ARHGEF26: variants seen among roughly 807,000 people sequenced by gnomAD.
The protein encoded by ARHGEF26 is Rho guanine nucleotide exchange factor 26.
A neutral mutation model predicts 89.4 loss-of-function variants in ARHGEF26; 59 were observed. That is an observed-to-expected ratio of 0.66 (90% CI 0.54 to 0.82). The LOEUF (loss-of-function observed/expected upper bound fraction) is 0.82, where lower values mean the gene tolerates loss of function less well. ARHGEF26 is among the 40% of genes least tolerant of loss of function. The pLI is 0.00. For synonymous variants in ARHGEF26, 500 were observed against 428.4 expected, an observed-to-expected ratio of 1.17 and a Z score of -2.06; for missense variants, 1,234 against 1,085.6, an observed-to-expected ratio of 1.14 and a Z score of -1.92.
At chr3:154,240,345 G>A (rs528699185) in intron 11 of ARHGEF26, 25 bp from the exon 12 acceptor site, 190 of 1,544,158 alleles carry the variant, frequency 1.2e-4, no homozygotes, top group Admixed American at 2.3e-4. Flanking sequence ...AATAATTGAC[G>A]TGTTCTTTTC....
At chr3:154,160,909 C>A (rs940373141) in intron 6 of ARHGEF26, among the ~76,000 whole-genome samples, 1 of 152,058 alleles carries the variant, frequency 6.6e-6, no homozygotes, top group Non-Finnish European at 1.5e-5. Context: ...ATCCTAGATC[C>A]CCTCTTTGGC....
chr3:154,201,789 G>C (rs1012881539), intron 9 of ARHGEF26, among the ~76,000 whole-genome samples: 2 of 152,200 alleles, frequency 1.3e-5, no homozygotes, highest in African/African-American at 4.8e-5. Flanking sequence ...TCTTTTGGCT[G>C]CATTAATGTC....
At chr3:154,163,758 G>C (rs145307437) in intron 6 of ARHGEF26, among the ~76,000 whole-genome samples, 1 of 152,144 alleles carries the variant, frequency 6.6e-6, no homozygotes, top group Non-Finnish European at 1.5e-5. Flanking sequence ...CATTGTTCCC[G>C]AAGTGAAGAA....
At chr3:154,172,899 TA>T (rs1229105706) in intron 6 of ARHGEF26, among the ~76,000 whole-genome samples, 1 of 152,220 alleles carries the variant, frequency 6.6e-6, no homozygotes, top group Non-Finnish European at 1.5e-5. Context: ...GTCCCCATTT[TA>T]TAACTCTAAG....
chr3:154,154,040 G>A (rs181112432), intron 6 of ARHGEF26, among the ~76,000 whole-genome samples: 7 of 152,190 alleles, frequency 4.6e-5, no homozygotes, highest in Admixed American at 1.3e-4. Context: ...TTGTAAAACA[G>A]TGTTACTCTA....
rs115310213 is a variant in ARHGEF26 at position 154,122,478 on chromosome 3, T to C, written c.486T>C (p.Leu162=). ...CCCCCTGCACCCCCGAGGAGGACCT[T>C]ACTGGGTTGACTGCCAGCCCGGTGC... The part of the protein sequence containing the change: ...APAPCTPEED[L]TGLTASPVPS... The change falls in exon 2 of 15, where the codon CTT becomes CTC. Residue 162 remains leucine (L), a synonymous_variant. Coordinates refer to ENST00000465093, the MANE Select transcript of ARHGEF26 (RefSeq NM_015595.4). 4,364 of 1,612,696 alleles carry C rather than the reference T, an allele frequency of 2.7e-3. 95 individuals are homozygous for C. In the African/African-American group the frequency reaches 0.05, roughly 18 times the overall value.
At chr3:154,130,047 G>A (rs758218732) in intron 4 of ARHGEF26, among the ~76,000 whole-genome samples, 33 of 151,682 alleles carry the variant, frequency 2.2e-4, no homozygotes, top group Non-Finnish European at 4.0e-4. Context: ...ATATATATGC[G>A]TGTGTGTTTA....
intron 9 of ARHGEF26, among the ~76,000 whole-genome samples, chr3:154,216,314 T>C (rs1715721202): frequency 6.6e-6 from 1 of 151,878 alleles, no homozygotes; most frequent in Non-Finnish European, 1.5e-5. Context: ...GAATTAAGAT[T>C]AGGTACTCAT....
chr3:154,180,747 C>T (rs1482781627), intron 6 of ARHGEF26, among the ~76,000 whole-genome samples: 2 of 150,830 alleles, frequency 1.3e-5, no homozygotes, highest in African/African-American at 4.9e-5. Flanking sequence ...GATAAAATTT[C>T]AGAAGAAAAG....
chr3:154,183,027 T>C (rs1454243723), intron 6 of ARHGEF26, among the ~76,000 whole-genome samples: 2 of 152,214 alleles, frequency 1.3e-5, no homozygotes, highest in Non-Finnish European at 2.9e-5. Context: ...TTTTCAAACA[T>C]GGGTTTTAGC....
rs1316700375 is a variant in ARHGEF26 at position 154,122,614 on chromosome 3, A to C, written c.622A>C (p.Lys208Gln). The C allele has an allele frequency of 1.2e-6, 2 of 1,613,820 alleles. No individual in the cohort carries two copies. Among genetic ancestry groups the C allele is most frequent in the Non-Finnish European group, 1.7e-6 (2 of 1,179,904 alleles). ...PERGLFPGPQ[K>Q]SSSEQKLPLQ... The stretch of plus-strand genomic sequence containing the variant: ...ACGGGGGCTCTTTCCTGGGCCCCAG[A>C]AAAGTTCTTCGGAACAAAAACTCCC... The change falls in exon 2 of 15, where the codon AAA (lysine) becomes CAA (glutamine). Residue 208 changes from lysine to glutamine, a missense_variant. Transcript: ENST00000465093.
chr3:154,149,470 T>TTAGAGCTCTGGAGTGTGCATG, intron 5 of ARHGEF26, 25 bp downstream of exon 5: 1 of 1,596,292 alleles, frequency 6.3e-7, no homozygotes, highest in East Asian at 2.2e-5. Context: ...AGCAGCTGCT[T>TTAGAGCTCTGGAGTGTGCATG]TAGAGCTCTG....
intron 3 of ARHGEF26, among the ~76,000 whole-genome samples, chr3:154,127,271 A>G (rs1427923850): frequency 2.0e-5 from 3 of 152,156 alleles, no homozygotes; most frequent in Admixed American, 6.5e-5. Flanking sequence ...AATCTTTTCA[A>G]CTCTGGTTTT....
At chr3:154,225,293 C>T (rs921575633) in intron 10 of ARHGEF26, among the ~76,000 whole-genome samples, 6 of 152,082 alleles carry the variant, frequency 3.9e-5, no homozygotes, top group African/African-American at 1.4e-4. Flanking sequence ...CTACCATGAT[C>T]TTAAGAACAG....
In ARHGEF26 at chr3:154,146,150, A is replaced by C. The variant is rs544333553; in HGVS notation, c.1270-3239A>C. On this transcript the variant is annotated intron_variant, in intron 4 of 14. Transcript: ENST00000465093. ...AGGCGGGAAAGTCCAAAATCAAGGC[A>C]GATTTGGTGTTTGGCAAGGGGCTGC... Among the ~76,000 whole-genome samples, 4 of 152,354 alleles carry C rather than the reference A, an allele frequency of 2.6e-5. No individual in the cohort carries two copies. The South Asian group carries it at 8.3e-4, about 32-fold the overall frequency.
intron 4 of ARHGEF26, among the ~76,000 whole-genome samples, chr3:154,148,711 C>G (rs760812183): frequency 6.6e-6 from 1 of 152,164 alleles, no homozygotes; most frequent in Non-Finnish European, 1.5e-5. Context: ...CTGTGAAATT[C>G]CTGCTCAGGG....
At position 154,152,908 on chromosome 3, in the gene ARHGEF26, C is replaced by A; in HGVS notation, c.1463C>A (p.Thr488Lys). The change falls in exon 6 of 15, where the codon ACA becomes AAA. Residue 488 changes from threonine to lysine, a missense_variant. Thr to Lys is a moderately conservative substitution (Grantham distance 78). Coordinates refer to ENST00000465093, the MANE Select transcript of ARHGEF26 (RefSeq NM_015595.4). ...AGGCACCATCTTTTCTCCAATATTACAGATGTCTGTGAGGCAAGCAAAAAG... is the reference window on the plus strand; with the variant it reads ...AGGCACCATCTTTTCTCCAATATTAAAGATGTCTGTGAGGCAAGCAAAAAG... ...TERHHLFSNI[T>K]DVCEASKKFF... The A allele has an allele frequency of 6.3e-7, 1 of 1,595,570 alleles. No individual in the cohort carries two copies.
intron 4 of ARHGEF26, among the ~76,000 whole-genome samples, chr3:154,135,682 T>C (rs1718960228): frequency 6.6e-6 from 1 of 151,988 alleles, no homozygotes; most frequent in Non-Finnish European, 1.5e-5. Context: ...TGAAGGAAAA[T>C]ATTGATTGTA....
rs1717899944 is a variant in ARHGEF26, at chr3:154,121,446, G to T, written c.-125G>T. The T allele has an allele frequency of 6.6e-6, 1 of 152,386 alleles. No individual in the cohort carries two copies. The highest frequency in any genetic ancestry group is 1.9e-4 in the East Asian group (1 of 5,148). 9.4% of individuals were successfully genotyped at this position (152,386 alleles called of 1,614,324 possible). A position where few individuals can be genotyped will look rare whatever the true frequency, so the allele number is the denominator to read the frequency against. The stretch of plus-strand genomic sequence containing the variant: ...CGCTCTCCTAAGCTCTCGCGGCTGC[G>T]CTTCGGTCCCGGACCCGGGCCACCC... On this transcript the variant is annotated 5_prime_UTR_variant, in exon 1 of 15. Transcript: ENST00000465093.
Sources: gnomAD v4.1 joint callset for allele counts (sites outside exome capture counted in the v4.1 genomes callset) on GRCh38, gnomAD v4.1.1 for gene constraint, MANE v1.5 for transcripts, NCBI Gene and HGNC (gene_info 2026-07-23, HGNC 2026-07-21) for gene names.